CA10: variants seen among roughly 807,000 people sequenced by gnomAD.
CA10 encodes carbonic anhydrase 10 (inactive).
In CA10, 14 loss-of-function variants were observed where a neutral mutation model predicts 44.2. The ratio of observed to expected loss-of-function variants is 0.32; its 90% CI spans 0.21 to 0.50. The LOEUF (loss-of-function observed/expected upper bound fraction) is 0.50, where lower values mean the gene tolerates loss of function less well. Among genes scored for constraint, CA10 ranks in the 20% least tolerant of loss-of-function variants. The pLI is 0.99. For synonymous variants in CA10, 159 were observed against 141.6 expected (o/e 1.12, Z -0.87); for missense variants, 350 against 409.7 (o/e 0.85, Z 1.26).
chr17:51,758,410 A>C (rs1342659256), intron 3 of CA10, among the ~76,000 whole-genome samples: 1 of 152,244 alleles, frequency 6.6e-6, no homozygotes, highest in Non-Finnish European at 1.5e-5. Context: ...AACAGGTGTG[A>C]AAGATATTGC....
chr17:52,114,668 C>T (rs1009365027), intron 1 of CA10, among the ~76,000 whole-genome samples: 1 of 152,154 alleles, frequency 6.6e-6, no homozygotes, highest in Non-Finnish European at 1.5e-5. Flanking sequence ...CAACACTGGT[C>T]CTACAAATGG....
intron 3 of CA10, among the ~76,000 whole-genome samples, chr17:51,792,530 T>C (rs1008123421): frequency 9.8e-5 from 15 of 152,356 alleles, no homozygotes; most frequent in African/African-American, 3.6e-4. Flanking sequence ...TGAATTAAGC[T>C]TCATGTAGAA....
chr17:51,716,308 T>G (rs971936306), intron 4 of CA10, among the ~76,000 whole-genome samples: 3 of 152,096 alleles, frequency 2.0e-5, no homozygotes, highest in Non-Finnish European at 4.4e-5. Context: ...TGGGTTGGGA[T>G]GGAAGAGCCC....
At chr17:52,067,469 A>T (rs1053533695) in intron 2 of CA10, among the ~76,000 whole-genome samples, 3 of 152,214 alleles carry the variant, frequency 2.0e-5, no homozygotes, top group African/African-American at 7.2e-5. Flanking sequence ...GCCCTCATGG[A>T]GAAACTCTGC....
intron 1 of CA10, among the ~76,000 whole-genome samples, chr17:52,110,007 C>T (rs1988755773): frequency 6.6e-6 from 1 of 152,202 alleles, no homozygotes. Context: ...ACTGTGCATG[C>T]TCATACCCTC....
chr17:51,759,025 G>A (rs1477237461), intron 3 of CA10, among the ~76,000 whole-genome samples: 1 of 152,206 alleles, frequency 6.6e-6, no homozygotes, highest in African/African-American at 2.4e-5. Context: ...CCAGTTCAGT[G>A]TGGGTTTCTG....
chr17:51,723,056 G>T (rs1188865814), intron 4 of CA10, among the ~76,000 whole-genome samples: 1 of 152,192 alleles, frequency 6.6e-6, no homozygotes, highest in Non-Finnish European at 1.5e-5. Flanking sequence ...TTGAGGCAAA[G>T]ATTGGAAAAG....
chr17:52,111,592 T>C (rs1744389827), intron 1 of CA10, among the ~76,000 whole-genome samples: 1 of 152,106 alleles, frequency 6.6e-6, no homozygotes, highest in Admixed American at 6.5e-5. Flanking sequence ...GATTAGATTG[T>C]ATCAGCAGCC....
intron 3 of CA10, among the ~76,000 whole-genome samples, chr17:51,799,237 C>T (rs1906834775): frequency 6.6e-6 from 1 of 152,134 alleles, no homozygotes; most frequent in Non-Finnish European, 1.5e-5. Context: ...TTATTTAGTT[C>T]CTTAACAATG....
intron 2 of CA10, among the ~76,000 whole-genome samples, chr17:51,983,817 A>C (rs1373474135): frequency 3.3e-5 from 5 of 151,742 alleles, no homozygotes; most frequent in Non-Finnish European, 7.4e-5. Flanking sequence ...TGGAGATAAA[A>C]TTTTTAAAAT....
intron 3 of CA10, among the ~76,000 whole-genome samples, chr17:51,849,205 GTATATATATATATACATATA>G (rs1225028609): frequency 0.18 from 9,049 of 49,068 alleles, 674 homozygotes; most frequent in African/African-American, 0.33. Flanking sequence ...ATACATATAT[GTATATATATATATACATATA>G]TGTGTGTGTA....
chr17:51,824,950 G>T (rs897826845), intron 3 of CA10, among the ~76,000 whole-genome samples: 5 of 152,198 alleles, frequency 3.3e-5, no homozygotes, highest in Admixed American at 1.3e-4. Context: ...CGCTGGTTCG[G>T]TTTGTTAGTA....
chr17:51,683,549 C>A (rs1234603678), intron 4 of CA10, among the ~76,000 whole-genome samples: 1 of 152,170 alleles, frequency 6.6e-6, no homozygotes, highest in African/African-American at 2.4e-5. Context: ...GGAGTTGATA[C>A]CCCAATTATC....
At chr17:51,974,277 G>A (rs990656553) in intron 2 of CA10, among the ~76,000 whole-genome samples, 1 of 151,554 alleles carries the variant, frequency 6.6e-6, no homozygotes, top group African/African-American at 2.4e-5. Flanking sequence ...CCAGCTACTT[G>A]GGAGGCTGAG....
chr17:51,923,571 G>C (rs1425041430), intron 3 of CA10, among the ~76,000 whole-genome samples: 1 of 152,094 alleles, frequency 6.6e-6, no homozygotes, highest in Non-Finnish European at 1.5e-5. Flanking sequence ...GAACATAAAA[G>C]CCTCAAACAT....
chr17:51,731,562 A>G (rs920599934), intron 4 of CA10, among the ~76,000 whole-genome samples: 2 of 147,762 alleles, frequency 1.4e-5, no homozygotes, highest in Admixed American at 1.4e-4. Flanking sequence ...TTCTGTCCCT[A>G]TGTTAGACCA....
intron 2 of CA10, among the ~76,000 whole-genome samples, chr17:51,932,923 T>C (rs1982723124): frequency 6.6e-6 from 1 of 152,070 alleles, no homozygotes; most frequent in Non-Finnish European, 1.5e-5. Flanking sequence ...AAAAAAACAC[T>C]GACTTGATCT....
intron 1 of CA10, 64 bp from the exon 2 acceptor site, chr17:52,072,457 C>T (rs370437829): frequency 1.8e-5 from 22 of 1,206,038 alleles, no homozygotes; most frequent in South Asian, 3.7e-5. Flanking sequence ...CCCGGCTGTC[C>T]GAGTAAGAAG....
At chr17:51,668,668 G>A (rs553574920) in intron 4 of CA10, among the ~76,000 whole-genome samples, 1 of 152,260 alleles carries the variant, frequency 6.6e-6, no homozygotes, top group African/African-American at 2.4e-5. Flanking sequence ...CATCCACTCT[G>A]GCCACACTTG....
Sources: gnomAD v4.1 joint callset for allele counts (sites outside exome capture counted in the v4.1 genomes callset) on GRCh38, gnomAD v4.1.1 for gene constraint, MANE v1.5 for transcripts, NCBI Gene and HGNC (gene_info 2026-07-23, HGNC 2026-07-21) for gene names.